PERM1: variants seen among roughly 807,000 people sequenced by gnomAD.
PERM1 encodes the protein PGC-1 and ERR-induced regulator in muscle protein 1.
PERM1 carries 45 observed loss-of-function variants against 44.1 expected under a neutral mutation model. That is an observed-to-expected ratio of 1.02 (90% confidence interval 0.80 to 1.31). PERM1 has a LOEUF of 1.31. Ranked by LOEUF, PERM1 falls within the 50% of genes most tolerant of loss-of-function variation. The pLI is 0.00. For synonymous variants in PERM1, 565 were observed against 477.1 expected (o/e 1.18, Z -2.40); for missense variants, 1,189 against 1,106.9 (o/e 1.07, Z -1.05).
chr1:976,556 A>T (rs2100494500), exon 2 of PERM1: 1 of 1,549,546 alleles, frequency 6.5e-7, no homozygotes, highest in South Asian at 1.2e-5. Context: ...CAGGTGGCAA[A>T]AGCTACAAAC....
chr1:979,514 A>G (rs1643726937), exon 1 of PERM1: 4 of 1,549,814 alleles, frequency 2.6e-6, no homozygotes, highest in Non-Finnish European at 8.7e-7. Context: ...GCCACGGAGA[A>G]GCGCACTTTC....
exon 1 of PERM1, chr1:980,451 A>G (rs1048458212): frequency 3.9e-6 from 6 of 1,538,932 alleles, no homozygotes; most frequent in Non-Finnish European, 5.3e-6. Flanking sequence ...CTGTGTGCCC[A>G]CCCCCCTTGG....
intron 2 of PERM1, 95 bp from the exon 4 acceptor site, chr1:976,364 G>T: frequency 6.8e-7 from 1 of 1,480,452 alleles, no homozygotes; most frequent in South Asian, 1.4e-5. Flanking sequence ...CAAGGTCGGT[G>T]CGGCCAGGGC....
At chr1:981,778 C>T (rs913667027), upstream of PERM1, among the ~76,000 whole-genome samples, 3 of 152,246 alleles carry the variant, frequency 2.0e-5, no homozygotes, top group Non-Finnish European at 4.4e-5. Flanking sequence ...CAGGCCTGCC[C>T]GGCTGCCCGG....
chr1:979,053 G>C lies in PERM1; in HGVS notation c.1977C>G (p.Val659=), dbSNP rs747652699. ...CCTCCCCGAAGAAGAAGTGTTCATA[G>C]ACCTCAGGGATGGAGATGGGCACGG... Residue 659 remains valine, a synonymous_variant, in exon 1 of 3, where the codon GTC becomes GTG. Transcript: ENST00000433179. 6.5e-6 allele frequency: 10 copies of C among 1,545,608 alleles called. No homozygotes were observed. The Admixed American group carries it at 1.8e-4, about 28-fold the overall frequency.
exon 3 of PERM1, chr1:976,225 G>T: frequency 6.5e-7 from 1 of 1,538,506 alleles, no homozygotes; most frequent in Non-Finnish European, 8.8e-7. Flanking sequence ...ACCTGCCGGC[G>T]GAAGTAGCGG....
At chr1:978,484 T>G (rs1166780057) in intron 1 of PERM1, among the ~76,000 whole-genome samples, 3 of 152,172 alleles carry the variant, frequency 2.0e-5, no homozygotes, top group Non-Finnish European at 4.4e-5. Flanking sequence ...TGGGCCAGTT[T>G]GGGGGAACTG....
At chr1:979,422 C>T (rs984776080) in exon 1 of PERM1, 4 of 1,527,878 alleles carry the variant, frequency 2.6e-6, no homozygotes, top group East Asian at 2.5e-5. Context: ...CTCCGGGCCC[C>T]CCGTGGGCCC....
chr1:979,450 G>A (rs967660086), exon 1 of PERM1: 7 of 1,545,180 alleles, frequency 4.5e-6, no homozygotes, highest in Non-Finnish European at 6.1e-6. Context: ...TGTCTGGGGG[G>A]CTGAGGGCCG....
chr1:981,172 C>A (rs1232892600), upstream of PERM1: 10 of 1,547,612 alleles, frequency 6.5e-6, no homozygotes, highest in Admixed American at 2.0e-5. Flanking sequence ...TCCATCCATG[C>A]CCTGAAAGGA....
exon 1 of PERM1, chr1:979,854 C>T (rs915678052): frequency 6.5e-7 from 1 of 1,549,246 alleles, no homozygotes; most frequent in East Asian, 2.4e-5. Context: ...CCAATTGTGG[C>T]TTGGAGATGG....
chr1:979,209 C>G, exon 1 of PERM1: 1 of 1,550,118 alleles, frequency 6.5e-7, no homozygotes, highest in Non-Finnish European at 8.7e-7. Flanking sequence ...GGACGCCTGC[C>G]GGATCCTGAC....
At chr1:981,295 G>A (rs751293309), upstream of PERM1, 6 of 972,972 alleles carry the variant, frequency 6.2e-6, no homozygotes, top group African/African-American at 1.7e-5. Context: ...CACCCCAAAT[G>A]ATAGCTGTGT....
At chr1:981,274 A>G, upstream of PERM1, 2 of 1,238,998 alleles carry the variant, frequency 1.6e-6, no homozygotes, top group Admixed American at 5.5e-5. Context: ...CCATGACCCT[A>G]GTTCCCAACG....
Position 980,289 on chromosome 1 carries a change from GTC to G in PERM1, c.739_740del (p.Asp247GlnfsTer48). On this transcript the variant is annotated frameshift_variant, in exon 1 of 3. Transcript: ENST00000433179. LOFTEE classifies it high-confidence loss of function. ...ACAGGCCCAAACCTGGCCCTGGTCT[GTC>G]TTCCTGCACAGGGGACCTGGGGCCA... The G allele has an allele frequency of 6.4e-7, 1 of 1,550,398 alleles. No individual in the cohort carries two copies. The highest frequency in any genetic ancestry group is 8.7e-7 in the Non-Finnish European group (1 of 1,146,974).
rs779857282 is a variant in PERM1 at position 979,147 on chromosome 1, G to T, written c.1883C>A (p.Ser628Ter). 1.3e-4 allele frequency: 200 copies of T among 1,549,874 alleles called. No homozygotes were observed. Among genetic ancestry groups the T allele is most frequent in the Non-Finnish European group, 1.7e-4 (195 of 1,146,790 alleles). ...CGGCTCCGGGGACCCCCGCCGCCTC[G>T]ACCTCTGGGCTCCAACGTCTGGGAA... The change falls in exon 1 of 3, where the codon TCG becomes TAG. Residue 628 changes from serine to a stop codon, truncating the protein, a stop_gained. Transcript: ENST00000433179. LOFTEE classifies it high-confidence loss of function.
At chr1:982,053 A>G (rs541007519), upstream of PERM1, 137 of 1,288,330 alleles carry the variant, frequency 1.1e-4, no homozygotes, top group Middle Eastern at 2.5e-4. Flanking sequence ...CCAGCAGCTG[A>G]CCATGTCCTA....
intron 1 of PERM1, 45 bp from the exon 3 acceptor site, chr1:976,669 T>C (rs7367995): frequency 0.26 from 126,798 of 492,644 alleles, 24,801 homozygotes; most frequent in East Asian, 0.5. Flanking sequence ...CACTCAGAGA[T>C]GGCCCCGCAC....
chr1:982,061 C>G (rs985332962), upstream of PERM1: 1 of 1,288,470 alleles, frequency 7.8e-7, no homozygotes, highest in Non-Finnish European at 1.0e-6. Context: ...TGACCATGTC[C>G]TACCTGGGTC....
Sources: allele counts gnomAD v4.1 joint callset (sites outside exome capture counted in the v4.1 genomes callset), GRCh38; gene constraint gnomAD v4.1.1; transcripts MANE v1.5; gene names NCBI Gene and HGNC (gene_info 2026-07-23, HGNC 2026-07-21).